PDE4DIP: variants seen among roughly 807,000 people sequenced by gnomAD.
The protein encoded by PDE4DIP is phosphodiesterase 4D interacting protein, also known as myomegalin.
PDE4DIP carries 59 observed loss-of-function variants against 221.4 expected under a neutral mutation model. The observed-to-expected ratio is 0.27, with a 90% CI of 0.22 to 0.33. PDE4DIP has a LOEUF of 0.33. Ranked by LOEUF, PDE4DIP falls within the 10% of genes least tolerant of loss-of-function variation. The pLI is 1.00. For missense variants in PDE4DIP, 1,036 were observed against 2,154.2 expected, an observed-to-expected ratio of 0.48 and a Z score of 10.28; for synonymous variants, 404 against 815.9, an observed-to-expected ratio of 0.50 and a Z score of 8.60.
At chr1:149,004,336 T>C (rs1312536955) in intron 26 of PDE4DIP, among the ~76,000 whole-genome samples, 4 of 151,140 alleles carry the variant, frequency 2.6e-5, no homozygotes, top group Non-Finnish European at 5.9e-5. Flanking sequence ...ATGCCATGGA[T>C]TAGTTCTCAT....
At chr1:148,865,058 G>T (rs1425903966) in intron 2 of PDE4DIP, among the ~76,000 whole-genome samples, 1 of 138,708 alleles carries the variant, frequency 7.2e-6, no homozygotes, top group African/African-American at 3.0e-5. Context: ...TCACCTAAAT[G>T]TGGAAGAAAT....
intron 3 of PDE4DIP, among the ~76,000 whole-genome samples, chr1:148,875,872 G>C (rs1691040200): frequency 6.6e-6 from 1 of 152,282 alleles, no homozygotes; most frequent in African/African-American, 2.4e-5. Context: ...GTTGCAGTAA[G>C]CCGAGATCGA....
chr1:149,015,546 G>A (rs80050311), intron 32 of PDE4DIP, among the ~76,000 whole-genome samples: 8,444 of 152,204 alleles, frequency 0.055, 703 homozygotes, highest in East Asian at 0.46. Flanking sequence ...TTACAGAGAA[G>A]TGGAGATGAT....
chr1:148,960,721 C>G (rs782625843), exon 6 of PDE4DIP: 1 of 532,678 alleles, frequency 1.9e-6, no homozygotes, highest in East Asian at 2.8e-5. Context: ...ACTCAGCAGT[C>G]TGTATCTGAT....
chr1:148,942,165 A>C (rs1553480351), intron 5 of PDE4DIP: 1 of 152,160 alleles, frequency 6.6e-6, no homozygotes, highest in Non-Finnish European at 1.5e-5. Flanking sequence ...ACAGATAACT[A>C]TCTCTCAAGT....
chr1:148,915,042 A>G (rs1418900346), intron 1 of PDE4DIP, among the ~76,000 whole-genome samples: 4 of 149,760 alleles, frequency 2.7e-5, no homozygotes, highest in South Asian at 2.1e-4. Flanking sequence ...TAGTTGATCT[A>G]TGGTTATAAG....
chr1:149,009,714 T>A (rs782068311), exon 30 of PDE4DIP: 10 of 1,613,794 alleles, frequency 6.2e-6, no homozygotes, highest in Non-Finnish European at 8.5e-6. Context: ...TCTGATGAAC[T>A]GGAAGCCTGC....
At chr1:148,975,616 G>A (rs1344339178) in intron 17 of PDE4DIP, among the ~76,000 whole-genome samples, 52 of 152,096 alleles carry the variant, frequency 3.4e-4, no homozygotes, top group South Asian at 1.0e-3. Context: ...AATTTTTTTT[G>A]GAAGAGGCCT....
At chr1:148,847,857 G>A (rs587618873) in intron 1 of PDE4DIP, among the ~76,000 whole-genome samples, 1 of 8,912 alleles carries the variant, frequency 1.1e-4, no homozygotes, top group Non-Finnish European at 1.7e-4. Context: ...GACAGAGCGA[G>A]CCTACATCTC....
exon 18 of PDE4DIP, chr1:148,977,947 C>G (rs1553538868): frequency 6.2e-7 from 1 of 1,612,522 alleles, no homozygotes; most frequent in Admixed American, 1.7e-5. Context: ...ATGGAACTTT[C>G]TGCTCTACAG....
chr1:148,945,164 AT>A (rs1479963079), intron 5 of PDE4DIP, among the ~76,000 whole-genome samples: 1 of 151,714 alleles, frequency 6.6e-6, no homozygotes, highest in Non-Finnish European at 1.5e-5. Flanking sequence ...AAGAGCAGGA[AT>A]TGGTAGACTT....
At chr1:148,948,622 C>T (rs1200770673) in intron 5 of PDE4DIP, among the ~76,000 whole-genome samples, 9 of 151,970 alleles carry the variant, frequency 5.9e-5, no homozygotes, top group Admixed American at 5.2e-4. Flanking sequence ...AAAGAAATCC[C>T]TCAAATTAAA....
At chr1:148,948,257 GTT>G (rs2052284534) in intron 5 of PDE4DIP, among the ~76,000 whole-genome samples, 1 of 151,832 alleles carries the variant, frequency 6.6e-6, no homozygotes, top group East Asian at 1.9e-4. Context: ...CCTTCACTAC[GTT>G]TTAGAAGTAA....
At chr1:148,944,718 A>C (rs2051224867) in intron 5 of PDE4DIP, among the ~76,000 whole-genome samples, 1 of 150,412 alleles carries the variant, frequency 6.6e-6, no homozygotes, top group African/African-American at 2.4e-5. Flanking sequence ...TAAGAATACA[A>C]AAATTAGCCA....
chr1:149,006,232 CTT>C (rs1410933084), intron 27 of PDE4DIP: 7 of 151,906 alleles, frequency 4.6e-5, no homozygotes, highest in Non-Finnish European at 2.9e-5. Flanking sequence ...GTTATTGATA[CTT>C]AGTGTTGAAA....
intron 1 of PDE4DIP, among the ~76,000 whole-genome samples, chr1:148,820,921 G>A (rs1235978600): frequency 6.7e-6 from 1 of 148,696 alleles, no homozygotes; most frequent in Non-Finnish European, 1.5e-5. Context: ...GGCGATCTCG[G>A]CTCACTGCAG....
intron 5 of PDE4DIP, chr1:148,953,575 A>C (rs1366334953): frequency 1.6e-5 from 26 of 1,613,350 alleles, no homozygotes; most frequent in Non-Finnish European, 2.1e-5. Flanking sequence ...AGAGAAGTGC[A>C]AAGGAACTTG....
chr1:149,001,635 A>T (rs1222030742), exon 24 of PDE4DIP: 6 of 1,613,770 alleles, frequency 3.7e-6, no homozygotes, highest in Non-Finnish European at 5.1e-6. Flanking sequence ...GAGCTGAAAG[A>T]GCAGATGGGA....
chr1:149,007,094 G>A (rs2067260916), intron 27 of PDE4DIP, 107 bp from the exon 31 acceptor site: 3 of 659,948 alleles, frequency 4.5e-6, no homozygotes, highest in Non-Finnish European at 2.7e-6. Context: ...GCTTGGGGGA[G>A]TTCCTTAGAG....
Sources: gnomAD v4.1 joint callset for allele counts (sites outside exome capture counted in the v4.1 genomes callset) on GRCh38, gnomAD v4.1.1 for gene constraint, MANE v1.5 for transcripts, NCBI Gene and HGNC (gene_info 2026-07-23, HGNC 2026-07-21) for gene names.